Variants in ZNF92 observed in about 807,000 individuals in gnomAD.
ZNF92 encodes the protein zinc finger protein 92.
Under a neutral mutation model 12.4 loss-of-function variants are expected in ZNF92, and 11 were observed. That is an observed-to-expected ratio of 0.89 (90% CI 0.56 to 1.47). The LOEUF (loss-of-function observed/expected upper bound fraction) is 1.47, where lower values mean the gene tolerates loss of function less well. Ranked by LOEUF, ZNF92 falls within the 40% of genes most tolerant of loss-of-function variation. ZNF92 has a pLI of 0.00. For missense variants in ZNF92, 622 were observed against 681.0 expected (o/e 0.91, Z 0.96); for synonymous variants, 206 against 228.6 (o/e 0.90, Z 0.89).
chr7:65,393,940 T>C (rs1282878319), intron 3 of ZNF92, among the ~76,000 whole-genome samples: 2 of 152,096 alleles, frequency 1.3e-5, no homozygotes, highest in Non-Finnish European at 2.9e-5. Flanking sequence ...TATTCAACTT[T>C]ATTGTTCAGT....
intron 3 of ZNF92, among the ~76,000 whole-genome samples, chr7:65,396,363 G>C (rs1161166010): frequency 2.6e-5 from 4 of 151,250 alleles, no homozygotes; most frequent in Non-Finnish European, 4.4e-5. Context: ...TTTTTGTTTT[G>C]CATAGTTTCT....
chr7:65,397,406 CCTCA>C, intron 3 of ZNF92, among the ~76,000 whole-genome samples: 1 of 135,254 alleles, frequency 7.4e-6, no homozygotes, highest in South Asian at 2.6e-4. Flanking sequence ...TTTTTGTTAT[CCTCA>C]TTTATCTGAT....
intron 1 of ZNF92, among the ~76,000 whole-genome samples, chr7:65,375,267 G>C (rs531420640): frequency 6.6e-6 from 1 of 152,080 alleles, no homozygotes; most frequent in African/African-American, 2.4e-5. Context: ...TCTGGTCCTG[G>C]GTTTTAGTAC....
At chr7:65,389,762 G>A (rs985765532) in intron 3 of ZNF92, among the ~76,000 whole-genome samples, 1 of 151,578 alleles carries the variant, frequency 6.6e-6, no homozygotes, top group Non-Finnish European at 1.5e-5. Flanking sequence ...TGATCCGCCC[G>A]CCTCGGCCTC....
chr7:65,384,948 T>G (rs1793522586), intron 1 of ZNF92, among the ~76,000 whole-genome samples: 2 of 151,550 alleles, frequency 1.3e-5, no homozygotes, highest in African/African-American at 4.9e-5. Context: ...AAATGCAGAC[T>G]TATTTGGACA....
rs201104234 is a variant in ZNF92, at chr7:65,384,742, C to CA, written c.4-3152dup. Among the ~76,000 whole-genome samples the CA allele has an allele frequency of 5.6e-3, 851 of 151,412 alleles. 13 individuals are homozygous for CA. Among genetic ancestry groups the CA allele is most frequent in the Admixed American group, 0.028 (422 of 15,184 alleles). ...TAGCTTTTATTCTGTACATTTTTCA[C>CA]AAAAAAAATGACAAATATAAATGCT... On this transcript the variant is annotated intron_variant, in intron 1 of 3. Transcript: ENST00000328747.
In ZNF92 at chr7:65,394,965, C is replaced by T. The variant is rs1446096376; in HGVS notation, c.227-3376C>T. 2.0e-5 allele frequency among the ~76,000 whole-genome samples: 3 copies of T among 151,996 alleles called. 1 individual carries two copies. The highest frequency in any genetic ancestry group is 4.4e-5 in the Non-Finnish European group (3 of 67,992). On this transcript the variant is annotated intron_variant, in intron 3 of 3. Transcript: ENST00000328747. ...CTGGCCCAAAATGAAGTTTTTTGAC[C>T]CTTGAGCAAAAATATGTTGAAGAAT...
At chr7:65,375,624 A>G (rs1409318826) in intron 1 of ZNF92, among the ~76,000 whole-genome samples, 4 of 152,016 alleles carry the variant, frequency 2.6e-5, no homozygotes, top group Non-Finnish European at 5.9e-5. Flanking sequence ...CAAAAGATAC[A>G]ACAAAACCTG....
intron 1 of ZNF92, among the ~76,000 whole-genome samples, chr7:65,376,501 C>T (rs1793242058): frequency 6.6e-6 from 1 of 152,040 alleles, no homozygotes; most frequent in Non-Finnish European, 1.5e-5. Flanking sequence ...GGCTGGAGTG[C>T]AGTGGTGTGA....
Position 65,380,801 on chromosome 7 carries a change from C to T in ZNF92, c.3+6801C>T, listed in dbSNP as rs200317574. Among the ~76,000 whole-genome samples, 6 of 152,206 alleles carry T rather than the reference C, an allele frequency of 3.9e-5. No individual in the cohort carries two copies. In the East Asian group the frequency reaches 7.7e-4, roughly 20 times the overall value. On this transcript the variant is annotated intron_variant, in intron 1 of 3. Coordinates refer to ENST00000328747, the MANE Select transcript of ZNF92 (RefSeq NM_152626.4). ...TTTTCACAATGGTTGAACTAATTTA[C>T]ACTCCCACCAGCAGAGTATAAGCAT... is the stretch of plus-strand genomic sequence containing the variant.
intron 3 of ZNF92, among the ~76,000 whole-genome samples, chr7:65,390,369 G>A (rs1335737938): frequency 6.6e-6 from 1 of 152,102 alleles, no homozygotes; most frequent in African/African-American, 2.4e-5. Context: ...ATTGGTGTCT[G>A]TAAATTTGAA....
chr7:65,398,291 T>C (rs1193981001), intron 3 of ZNF92, 50 bp from the exon 4 acceptor site: 1 of 1,404,514 alleles, frequency 7.1e-7, no homozygotes, highest in Non-Finnish European at 9.5e-7. Flanking sequence ...GTAAAGTATA[T>C]TCATCTGAGT....
intron 1 of ZNF92, among the ~76,000 whole-genome samples, chr7:65,375,122 T>C (rs940812790): frequency 9.9e-5 from 15 of 152,128 alleles, no homozygotes; most frequent in Admixed American, 8.5e-4. Flanking sequence ...AACATTGTAT[T>C]GTAAATCTCT....
intron 3 of ZNF92, among the ~76,000 whole-genome samples, chr7:65,393,967 A>G (rs546132606): frequency 6.6e-6 from 1 of 152,168 alleles, no homozygotes; most frequent in South Asian, 2.1e-4. Context: ...AGTTGTTTAT[A>G]TATTCTGAAT....
chr7:65,399,810 A>G lies in ZNF92; in HGVS notation c.1696A>G (p.Lys566Glu), dbSNP rs1345945192. 6.2e-7 allele frequency: 1 copy of G among 1,611,802 alleles called. No homozygotes were observed. The highest frequency in any genetic ancestry group is 2.2e-5 in the East Asian group (1 of 44,812). The change falls in exon 4 of 4, where the codon AAA becomes GAA. Residue 566 changes from lysine (K) to glutamate (E), a missense_variant. Coordinates refer to ENST00000328747, the MANE Select transcript of ZNF92 (RefSeq NM_152626.4). Reference protein sequence around the residue: ...QIIYTGEKPCKHECGRAFNKS... With the variant: ...QIIYTGEKPCEHECGRAFNKS... The stretch of plus-strand genomic sequence containing the variant: ...AATTTATACTGGAGAGAAACCCTGC[A>G]AACATGAATGTGGCAGAGCCTTTAA...
intron 3 of ZNF92, among the ~76,000 whole-genome samples, chr7:65,389,430 G>A (rs1199994669): frequency 6.6e-6 from 1 of 152,114 alleles, no homozygotes; most frequent in Non-Finnish European, 1.5e-5. Context: ...TTTCATGGGA[G>A]GAAGAGACTG....
chr7:65,399,983 C>T lies in ZNF92; in HGVS notation c.*108C>T. ...ACAAGGACTTTAAATGGTTGTCACG[C>T]TTGATTGTAGGTAAGATAATTTATA... On this transcript the variant is annotated 3_prime_UTR_variant, in exon 4 of 4. Transcript: ENST00000328747. The T allele has an allele frequency of 1.0e-6, 1 of 990,340 alleles. No homozygotes were observed. Among genetic ancestry groups the T allele is most frequent in the Non-Finnish European group, 1.4e-6 (1 of 697,416 alleles). The allele number at this position is 990,340 out of a possible 1,614,324, so 61.3% of individuals were successfully genotyped here.
intron 1 of ZNF92, 50 bp downstream of exon 1, chr7:65,374,050 A>C: frequency 1.9e-6 from 3 of 1,613,410 alleles, no homozygotes; most frequent in Non-Finnish European, 2.5e-6. Context: ...GTCTGGCTGG[A>C]ACCGATTGGA....
rs1476474261 is a variant in ZNF92 at position 65,398,870 on chromosome 7, T to A, written c.756T>A (p.Thr252=). 6.2e-7 allele frequency: 1 copy of A among 1,612,524 alleles called. No homozygotes were observed. Among genetic ancestry groups the A allele is most frequent in the African/African-American group, 1.3e-5 (1 of 74,730 alleles). ...TTACTAAACATAAAATAATTCATAC[T>A]GGAGAGAAACCCTACAAATGTGAAG... is the stretch of plus-strand genomic sequence containing the variant. ...SNLTKHKIIH[T]GEKPYKCEEC... is the part of the protein sequence containing the mutation. The change falls in exon 4 of 4, where the codon ACT becomes ACA. Residue 252 remains threonine, a synonymous_variant. Coordinates refer to ENST00000328747, the MANE Select transcript of ZNF92 (RefSeq NM_152626.4).
Sources: gnomAD v4.1 joint callset for allele counts (sites outside exome capture counted in the v4.1 genomes callset) on GRCh38, gnomAD v4.1.1 for gene constraint, MANE v1.5 for transcripts, NCBI Gene and HGNC (gene_info 2026-07-23, HGNC 2026-07-21) for gene names.